RAD21L1: variants seen among roughly 807,000 people sequenced by gnomAD.
The protein encoded by RAD21L1 is double-strand-break repair protein rad21-like protein 1.
A neutral mutation model predicts 69.0 loss-of-function variants in RAD21L1; 47 were observed. The observed-to-expected ratio is 0.68, with a 90% CI of 0.54 to 0.87. The LOEUF (loss-of-function observed/expected upper bound fraction) is 0.87, where lower values mean the gene tolerates loss of function less well. RAD21L1 is among the 40% of genes least tolerant of loss of function. The pLI is 0.00. For synonymous variants in RAD21L1, 177 were observed against 205.8 expected (o/e 0.86, Z 1.20); for missense variants, 583 against 647.6 (o/e 0.90, Z 1.08).
chr20:1,239,743 A>G (rs1600223448), intron 7 of RAD21L1, among the ~76,000 whole-genome samples: 1 of 152,220 alleles, frequency 6.6e-6, no homozygotes. Context: ...TTACAAATTG[A>G]GGATATTTTC....
At position 1,255,581 on chromosome 20, in the gene RAD21L1, T is replaced by TTTTTAAATTAACATACAGAAAA. The variant is rs2087919122; in HGVS notation, c.*1128_*1149dup. On this transcript the variant is annotated 3_prime_UTR_variant, in exon 14 of 14. Transcript: ENST00000683101. ...ATTGCCTTTTTAAAATTTCTTTTAT[T>TTTTTAAATTAACATACAGAAAA]TTTTAAATTAACATACAGAAAATTT... 6.6e-6 allele frequency among the ~76,000 whole-genome samples: 1 copy of TTTTTAAATTAACATACAGAAAA among 152,232 alleles called. No individual in the cohort carries two copies. The highest frequency in any genetic ancestry group is 1.5e-5 in the Non-Finnish European group (1 of 68,030).
intron 4 of RAD21L1, 114 bp downstream of exon 4, chr20:1,231,733 A>G: frequency 1.7e-6 from 1 of 603,852 alleles, no homozygotes; most frequent in East Asian, 2.9e-5. Context: ...TACAGATGTA[A>G]TTGATAAAGA....
intron 11 of RAD21L1, 100 bp downstream of exon 11, chr20:1,244,270 A>G: frequency 1.2e-6 from 1 of 805,278 alleles, no homozygotes; most frequent in Non-Finnish European, 1.8e-6. Flanking sequence ...TGTGTAGTTC[A>G]TATTTCATTT....
chr20:1,242,872 G>A (rs930850899), intron 9 of RAD21L1, 27 bp downstream of exon 9: 30 of 1,339,272 alleles, frequency 2.2e-5, no homozygotes, highest in Non-Finnish European at 3.1e-5. Flanking sequence ...TTCTACATGT[G>A]AGCAATGTCT....
chr20:1,242,472 A>G (rs1600225663), intron 8 of RAD21L1, 147 bp from the exon 9 acceptor site: 2 of 643,386 alleles, frequency 3.1e-6, no homozygotes, highest in East Asian at 2.8e-5. Context: ...GGCCCAAGCA[A>G]TCCGCCCACC....
chr20:1,246,171 C>A lies in RAD21L1; in HGVS notation c.1309-42C>A. 2 of 1,071,032 alleles carry A rather than the reference C, an allele frequency of 1.9e-6. No individual in the cohort carries two copies. The highest frequency in any genetic ancestry group is 2.7e-6 in the Non-Finnish European group (2 of 736,468). 66.3% of individuals were successfully genotyped at this position (1,071,032 alleles called of 1,614,324 possible). On this transcript the variant is annotated intron_variant, in intron 11 of 13. Coordinates refer to ENST00000683101, the MANE Select transcript of RAD21L1 (RefSeq NM_001384355.1). This position sits in a 1 kb window ranked among gnomAD's most constrained non-coding sequence, Gnocchi z 4.6. ...TAAAATTAGATTGTTCCTGTATAAC[C>A]ACTGGCAGATTTACCTAACTTTCCC...
At chr20:1,239,478 A>T (rs1372580342) in intron 7 of RAD21L1, 71 bp downstream of exon 7, 2 of 771,536 alleles carry the variant, frequency 2.6e-6, no homozygotes, top group Non-Finnish European at 4.4e-6. Flanking sequence ...TTCTGAATTT[A>T]AGTAGCAATA....
rs1175227309 is a variant in RAD21L1, at chr20:1,255,779, A to T, written c.*1322A>T. Among the ~76,000 whole-genome samples, 1 of 152,130 alleles carries T rather than the reference A, an allele frequency of 6.6e-6. No individual in the cohort carries two copies. The highest frequency in any genetic ancestry group is 1.9e-4 in the East Asian group (1 of 5,198). On this transcript the variant is annotated 3_prime_UTR_variant, in exon 14 of 14. Coordinates refer to ENST00000683101, the MANE Select transcript of RAD21L1 (RefSeq NM_001384355.1). ...CTGGCAACCACTCTTCTCCATGACT[A>T]CACTTTTGTCTTTTTGAAAATGTCA...
rs2087920218 is a variant in RAD21L1, at chr20:1,255,643, A to G, written c.*1186A>G. ...TTTGGTGCACAGTTCTGTGAATTTTAACATATTTGTAGAGTCCTGTAACCA... is the reference window on the plus strand; with the variant it reads ...TTTGGTGCACAGTTCTGTGAATTTTGACATATTTGTAGAGTCCTGTAACCA... On this transcript the variant is annotated 3_prime_UTR_variant, in exon 14 of 14. Transcript: ENST00000683101. Among the ~76,000 whole-genome samples, 3 of 152,348 alleles carry G rather than the reference A, an allele frequency of 2.0e-5. No homozygotes were observed. In the South Asian group the frequency reaches 6.2e-4, roughly 32 times the overall value.
intron 12 of RAD21L1, among the ~76,000 whole-genome samples, chr20:1,247,756 C>T (rs2087744464): frequency 6.6e-6 from 1 of 151,984 alleles, no homozygotes; most frequent in African/African-American, 2.4e-5. Flanking sequence ...TAGGAAGTGT[C>T]TGGGCTCCTA....
In RAD21L1 at chr20:1,234,118, C is replaced by G; in HGVS notation, c.402C>G (p.Asn134Lys). Residue 134 changes from asparagine to lysine, a missense_variant, in exon 5 of 14, where the codon AAC becomes AAG. Transcript: ENST00000683101. ...ATGTTTCAGAACACTTTACTCAGAACCAAAGCAGACCAGAAGAAATCACTC... is the reference window on the plus strand; with the variant it reads ...ATGTTTCAGAACACTTTACTCAGAAGCAAAGCAGACCAGAAGAAATCACTC... ...AIDVSEHFTQ[N>K]QSRPEEITLR... The G allele has an allele frequency of 6.5e-7, 1 of 1,543,984 alleles. No homozygotes were observed. Among genetic ancestry groups the G allele is most frequent in the Non-Finnish European group, 8.8e-7 (1 of 1,140,642 alleles).
At chr20:1,229,590 G>A (rs1182424721) in intron 2 of RAD21L1, among the ~76,000 whole-genome samples, 2 of 152,176 alleles carry the variant, frequency 1.3e-5, no homozygotes, top group African/African-American at 2.4e-5. Context: ...TTAAGTGACA[G>A]CCTCAGCAAC....
At chr20:1,245,078 A>G (rs1429025165) in intron 11 of RAD21L1, among the ~76,000 whole-genome samples, 1 of 152,186 alleles carries the variant, frequency 6.6e-6, no homozygotes, top group Non-Finnish European at 1.5e-5. Flanking sequence ...TGGAAGGAAA[A>G]TACAACTGCA....
At chr20:1,245,424 A>G (rs143885392) in intron 11 of RAD21L1, among the ~76,000 whole-genome samples, 2 of 152,324 alleles carry the variant, frequency 1.3e-5, no homozygotes, top group East Asian at 3.9e-4. Flanking sequence ...ACAAGGCTTC[A>G]CAAATATGTA....
In RAD21L1 at chr20:1,254,418, T is replaced by A; in HGVS notation, c.1629T>A (p.Asp543Glu). 6.5e-7 allele frequency: 1 copy of A among 1,546,226 alleles called. No individual in the cohort carries two copies. Among genetic ancestry groups the A allele is most frequent in the Non-Finnish European group, 8.7e-7 (1 of 1,144,220 alleles). ...TGAGCCAGAGTGCTCCCTATGCAGA[T>A]ATTATAGCTACGATGGGACCAATGT... The part of the protein sequence containing the change: ...IELSQSAPYA[D>E]IIATMGPMFY... Residue 543 changes from aspartate to glutamate, a missense_variant, in exon 14 of 14, where the codon GAT (aspartate) becomes GAA (glutamate). Physicochemically the swap from Asp to Glu is conservative, Grantham distance 45 (BLOSUM62 2). Coordinates refer to ENST00000683101, the MANE Select transcript of RAD21L1 (RefSeq NM_001384355.1).
intron 13 of RAD21L1, among the ~76,000 whole-genome samples, chr20:1,253,104 C>T (rs2087867981): frequency 6.6e-6 from 1 of 152,130 alleles, no homozygotes. Context: ...CTGGATATGC[C>T]ATCTTTGAAA....
chr20:1,243,867 G>A (rs2087668858), intron 10 of RAD21L1, among the ~76,000 whole-genome samples, 179 bp from the exon 11 acceptor site: 1 of 152,124 alleles, frequency 6.6e-6, no homozygotes, highest in Non-Finnish European at 1.5e-5. Flanking sequence ...AGAGACAGAG[G>A]ACAAGAAAGG....
chr20:1,251,611 G>T (rs1329366227), intron 13 of RAD21L1, among the ~76,000 whole-genome samples: 1 of 151,848 alleles, frequency 6.6e-6, no homozygotes, highest in Non-Finnish European at 1.5e-5. Flanking sequence ...TGGGTCAGAT[G>T]TTGGATCTCC....
intron 4 of RAD21L1, 30 bp from the exon 5 acceptor site, chr20:1,234,055 T>A (rs1259926964): frequency 9.7e-7 from 1 of 1,034,754 alleles, no homozygotes; most frequent in East Asian, 2.6e-5. Flanking sequence ...TCTGTTCTCA[T>A]GTTTTTCTCA....
Sources: allele counts gnomAD v4.1 joint callset (sites outside exome capture counted in the v4.1 genomes callset), GRCh38; gene constraint gnomAD v4.1.1; non-coding constraint Gnocchi (gnomAD v3.1); transcripts MANE v1.5; gene names NCBI Gene and HGNC (gene_info 2026-07-23, HGNC 2026-07-21).